Variants in ABCC4 observed in about 807,000 individuals in gnomAD.
The protein encoded by ABCC4 is ATP binding cassette subfamily C member 4 (PEL blood group), also known as ATP-binding cassette sub-family C member 4.
Under a neutral mutation model 168.5 loss-of-function variants are expected in ABCC4, and 102 were observed. The observed-to-expected ratio is 0.61, with a 90% confidence interval of 0.52 to 0.71. ABCC4 has a LOEUF of 0.71. Ranked by LOEUF, ABCC4 falls within the 30% of genes least tolerant of loss-of-function variation. The pLI is 0.00. For synonymous variants in ABCC4, 617 were observed against 590.7 expected (o/e 1.04, Z -0.65); for missense variants, 1,402 against 1,605.8 (o/e 0.87, Z 2.17).
intron 14 of ABCC4, 88 bp downstream of exon 14, chr13:95,170,441 GAGA>G (rs2139572331): frequency 1.4e-6 from 1 of 721,184 alleles, no homozygotes; most frequent in African/African-American, 1.8e-5. Flanking sequence ...TCCCAGCTCT[GAGA>G]AGAAAGGAAC....
At chr13:95,173,576 T>C (rs1233339421) in intron 13 of ABCC4, among the ~76,000 whole-genome samples, 1 of 152,170 alleles carries the variant, frequency 6.6e-6, no homozygotes, top group Non-Finnish European at 1.5e-5. Flanking sequence ...GAAGTGTGCA[T>C]GGCTGGAGGA....
rs144885063 is a variant in ABCC4, at chr13:95,291,929, C to T, written c.74+9312G>A. Among the ~76,000 whole-genome samples the T allele has an allele frequency of 3.9e-3, 578 of 149,876 alleles. 4 individuals carry two copies. The highest frequency in any genetic ancestry group is 0.014 in the African/African-American group (562 of 39,888). On this transcript the variant is annotated intron_variant, in intron 1 of 30. Transcript: ENST00000645237. ...CCACTGCACGCCAGCCTGGGCAACA[C>T]AGTGAAACTCCATTTAAAGAAATAA...
intron 19 of ABCC4, among the ~76,000 whole-genome samples, chr13:95,141,428 C>T (rs906675102): frequency 6.6e-6 from 1 of 152,062 alleles, no homozygotes; most frequent in Admixed American, 6.6e-5. Context: ...AAACGAAAAG[C>T]TTCAAAAGTC....
intron 8 of ABCC4, among the ~76,000 whole-genome samples, chr13:95,203,648 G>C (rs555162014): frequency 6.6e-6 from 1 of 152,002 alleles, no homozygotes; most frequent in Non-Finnish European, 1.5e-5. Context: ...GTAAGCCACC[G>C]CGCCTGGCCA....
intron 6 of ABCC4, among the ~76,000 whole-genome samples, chr13:95,208,714 G>A (rs9590200): frequency 0.66 from 97,637 of 148,994 alleles, 31,918 homozygotes; most frequent in African/African-American, 0.69. Context: ...TCTGCCTCCT[G>A]GATTCAAGTG....
At chr13:95,201,115 A>C (rs1375710792) in intron 8 of ABCC4, among the ~76,000 whole-genome samples, 1 of 152,166 alleles carries the variant, frequency 6.6e-6, no homozygotes, top group Non-Finnish European at 1.5e-5. Flanking sequence ...TTTCCTGCCC[A>C]AGTCAAAGAT....
At chr13:95,206,376 A>T (rs1461257235) in intron 8 of ABCC4, among the ~76,000 whole-genome samples, 156 bp downstream of exon 8, 1 of 152,218 alleles carries the variant, frequency 6.6e-6, no homozygotes, top group Non-Finnish European at 1.5e-5. Context: ...GCTCTATCTA[A>T]GATAGGGAAG....
intron 26 of ABCC4, among the ~76,000 whole-genome samples, chr13:95,055,390 A>G (rs919810359): frequency 6.6e-6 from 1 of 152,240 alleles, no homozygotes; most frequent in Admixed American, 6.5e-5. Context: ...GATGGTATAT[A>G]TTTTAAAATG....
At position 95,132,818 on chromosome 13, in the gene ABCC4, A is replaced by C. The variant is rs542611569; in HGVS notation, c.2456-16817T>G. Among the ~76,000 whole-genome samples the C allele has an allele frequency of 3.3e-5, 5 of 152,280 alleles. No individual in the cohort carries two copies. The East Asian group carries it at 7.7e-4, about 24-fold the overall frequency. On this transcript the variant is annotated intron_variant, in intron 19 of 30. Coordinates refer to ENST00000645237, the MANE Select transcript of ABCC4 (RefSeq NM_005845.5). ...CACGAAATAAAATAAGCCTCTCAGA[A>C]AAGGAAAAAGACTGTTTGATTCCAG... is the stretch of plus-strand genomic sequence containing the variant.
intron 3 of ABCC4, among the ~76,000 whole-genome samples, chr13:95,246,772 G>A (rs748400025): frequency 3.3e-5 from 5 of 152,166 alleles, no homozygotes; most frequent in Non-Finnish European, 5.9e-5. Context: ...AGTCACTTAA[G>A]TATTCACCTG....
chr13:95,064,579 G>A, intron 25 of ABCC4, among the ~76,000 whole-genome samples: 1 of 151,668 alleles, frequency 6.6e-6, no homozygotes, highest in South Asian at 2.1e-4. Flanking sequence ...TCTAGACATA[G>A]ACAAATGCTG....
chr13:95,139,720 C>G (rs1475213496), intron 19 of ABCC4, among the ~76,000 whole-genome samples: 1 of 152,134 alleles, frequency 6.6e-6, no homozygotes, highest in African/African-American at 2.4e-5. Flanking sequence ...GATATTTAAC[C>G]ATCCCAGAGT....
chr13:95,249,229 A>G (rs9584286), intron 1 of ABCC4, among the ~76,000 whole-genome samples: 8 of 148,508 alleles, frequency 5.4e-5, no homozygotes, highest in Admixed American at 6.7e-5. Context: ...AAAAAAAAAA[A>G]AAGAAGAAGA....
intron 3 of ABCC4, among the ~76,000 whole-genome samples, chr13:95,243,724 T>C (rs543787911): frequency 6.6e-6 from 1 of 151,956 alleles, no homozygotes; most frequent in East Asian, 1.9e-4. Flanking sequence ...TCATCTCTAC[T>C]AAAAATACAA....
At chr13:95,182,496 C>T (rs1403906476) in intron 11 of ABCC4, among the ~76,000 whole-genome samples, 1 of 152,080 alleles carries the variant, frequency 6.6e-6, no homozygotes, top group African/African-American at 2.4e-5. Context: ...ATATAAATAT[C>T]AATTCAAATA....
chr13:95,234,883 A>G (rs1566554023), intron 3 of ABCC4, 49 bp from the exon 4 acceptor site: 2 of 1,295,728 alleles, frequency 1.5e-6, no homozygotes, highest in Non-Finnish European at 2.1e-6. Context: ...AGACCACACC[A>G]TTTTTTCTTT....
At chr13:95,235,730 TG>T (rs4148457) in intron 3 of ABCC4, among the ~76,000 whole-genome samples, 109,293 of 152,008 alleles carry the variant, frequency 0.72, 40,555 homozygotes, top group Non-Finnish European at 0.83. Flanking sequence ...GAACCAGACT[TG>T]GGAGGATTCC....
intron 13 of ABCC4, among the ~76,000 whole-genome samples, chr13:95,177,077 G>A (rs555333292): frequency 6.6e-6 from 1 of 152,324 alleles, no homozygotes; most frequent in East Asian, 1.9e-4. Context: ...CTACATGCCT[G>A]TGGGTTTTAA....
At chr13:95,061,762 G>A (rs981127288) in intron 26 of ABCC4, among the ~76,000 whole-genome samples, 1 of 151,978 alleles carries the variant, frequency 6.6e-6, no homozygotes, top group Non-Finnish European at 1.5e-5. Flanking sequence ...TGAAGGACAG[G>A]ATGGAACTGT....
Sources: gnomAD v4.1 joint callset for allele counts (sites outside exome capture counted in the v4.1 genomes callset) on GRCh38, gnomAD v4.1.1 for gene constraint, MANE v1.5 for transcripts, NCBI Gene and HGNC (gene_info 2026-07-23, HGNC 2026-07-21) for gene names.